The following FLG variants were observed in gnomAD, a reference collection of about 807,000 sequenced individuals.
The protein encoded by FLG is filaggrin.
Under a neutral mutation model 3.8 loss-of-function variants are expected in FLG, and 6 were observed. The ratio of observed to expected loss-of-function variants is 1.60; its 90% CI spans 0.87 to 3.15. The LOEUF is 3.15. Among genes scored for constraint, FLG ranks in the 30% most tolerant of loss-of-function variants. The pLI is 0.00. For missense variants in FLG, 7,595 were observed against 5,050.9 expected, an observed-to-expected ratio of 1.50 and a Z score of -15.27; for synonymous variants, 2,551 against 1,931.6, an observed-to-expected ratio of 1.32 and a Z score of -8.41.
chr1:152,308,493 G>A lies in FLG; in HGVS notation c.6393C>T (p.Ser2131=), dbSNP rs775939884. The A allele has an allele frequency of 1.2e-6, 2 of 1,613,272 alleles. No homozygotes were observed. The highest frequency in any genetic ancestry group is 1.3e-5 in the African/African-American group (1 of 74,780). The part of the protein sequence containing the change: ...QAQDSSRHSA[S]QEGQDTIRGH... ...CACGAATGGTGTCCTGACCCTCTTG[G>A]GATGCTGAGTGCCTGGAGCTGTCTT... The change falls in exon 3 of 3, where the codon TCC becomes TCT. Residue 2131 remains serine (S), a synonymous_variant. Coordinates refer to ENST00000368799, the MANE Select transcript of FLG (RefSeq NM_002016.2).
At position 152,308,573 on chromosome 1, in the gene FLG, C is replaced by A; in HGVS notation, c.6313G>T (p.Gly2105Ter). 6.2e-7 allele frequency: 1 copy of A among 1,614,062 alleles called. No individual in the cohort carries two copies. Among genetic ancestry groups the A allele is most frequent in the East Asian group, 2.2e-5 (1 of 44,878 alleles). The change falls in exon 3 of 3, where the codon GGA becomes TGA. Residue 2105 changes from glycine (G) to a stop codon, truncating the protein, a stop_gained. Coordinates refer to ENST00000368799, the MANE Select transcript of FLG (RefSeq NM_002016.2). LOFTEE classifies it low-confidence loss of function (END_TRUNC). ...STHEQSESTH[G>*]QSAPSTGGRQ... The stretch of plus-strand genomic sequence containing the variant: ...CCTCCAGTGCTGGGCGCAGACTGTC[C>A]ATGGGTGGACTCAGACTGTTCATGA...
chr1:152,310,807 C>T lies in FLG; in HGVS notation c.4079G>A (p.Arg1360His), dbSNP rs11586631. The change falls in exon 3 of 3, where the codon CGC becomes CAC. Residue 1360 changes from arginine to histidine, a missense_variant. By Grantham distance (29) the Arg-to-His change is conservative (BLOSUM62 0). Coordinates refer to ENST00000368799, the MANE Select transcript of FLG (RefSeq NM_002016.2). ...GGAGCTGTCTGCTGACTGCTGGTGG[C>T]GGGATCCATGTCTTTCTCCTGGACT... ...RSSPGERHGS[R>H]HQQSADSSRH... 276,595 of 1,613,202 alleles carry T rather than the reference C, an allele frequency of 0.17. 33,245 individuals are homozygous for T. The highest frequency in any genetic ancestry group is 0.56 in the East Asian group (25,149 of 44,810).
At position 152,303,680 on chromosome 1, in the gene FLG, C is replaced by G; in HGVS notation, c.11206G>C (p.Gly3736Arg). The change falls in exon 3 of 3, where the codon GGA becomes CGA. Residue 3736 changes from glycine (G) to arginine (R), a missense_variant. Physicochemically the swap from Gly to Arg is moderately radical, Grantham distance 125. Transcript: ENST00000368799. ...RAGPSTGGRQ[G>R]SRHEQARDSS... ...TCTCGTGCCTGCTCGTGGCGGGATC[C>G]TTGTCTTCCTCCAGTACTGGGCCCA... 6.2e-7 allele frequency: 1 copy of G among 1,613,986 alleles called. No homozygotes were observed. The highest frequency in any genetic ancestry group is 1.3e-5 in the African/African-American group (1 of 75,026).
intron 1 of FLG, among the ~76,000 whole-genome samples, chr1:152,319,309 TGTGTG>T (rs1652881513): frequency 2.0e-5 from 1 of 49,300 alleles, no homozygotes; most frequent in East Asian, 2.3e-3. Flanking sequence ...AACTAGAAAA[TGTGTG>T]TGTGTGTGTG....
In FLG at chr1:152,307,301, G is replaced by A. The variant is rs1189411821; in HGVS notation, c.7585C>T (p.His2529Tyr). 2.5e-6 allele frequency: 4 copies of A among 1,613,562 alleles called. No homozygotes were observed. Among genetic ancestry groups the A allele is most frequent in the Admixed American group, 1.7e-5 (1 of 59,968 alleles). Reference protein sequence around the residue: ...NDEQSGDGSRHSGSRHHEASS... With the variant: ...NDEQSGDGSRYSGSRHHEASS... Reference sequence around the variant, plus strand: ...GCTTCATGGTGACGCGACCCTGAGTGCCTGGAGCCGTCTCCTGATTGTTCA... The same window carrying A: ...GCTTCATGGTGACGCGACCCTGAGTACCTGGAGCCGTCTCCTGATTGTTCA... Residue 2529 changes from histidine to tyrosine, a missense_variant, in exon 3 of 3, where the codon CAC becomes TAC. Physicochemically the swap from His to Tyr is moderately conservative, Grantham distance 83. Transcript: ENST00000368799.
In FLG at chr1:152,303,574, C is replaced by G. The variant is rs146591738; in HGVS notation, c.11312G>C (p.Gly3771Ala). ...ATCTACCGATTGCTCGTGGTAGGAT[C>G]CCTGTCTTCCTCCTCTCCTTGACCC... ...HPGSRRGGRQ[G>A]SYHEQSVDRS... Residue 3771 changes from glycine to alanine, a missense_variant, in exon 3 of 3, where the codon GGA becomes GCA. Gly to Ala is a moderately conservative substitution (Grantham distance 60). Coordinates refer to ENST00000368799, the MANE Select transcript of FLG (RefSeq NM_002016.2). The G allele has an allele frequency of 8.1e-6, 13 of 1,613,964 alleles. No individual in the cohort carries two copies. The South Asian group carries it at 1.4e-4, about 18-fold the overall frequency.
Position 152,307,091 on chromosome 1 carries a change from G to A in FLG, c.7795C>T (p.Leu2599=), listed in dbSNP as rs559198840. 2.9e-5 allele frequency: 46 copies of A among 1,610,680 alleles called. No homozygotes were observed. In the East Asian group the frequency reaches 7.4e-4, roughly 26 times the overall value. The change falls in exon 3 of 3, where the codon CTA becomes TTA. Residue 2599 remains leucine (L), a synonymous_variant. Coordinates refer to ENST00000368799, the MANE Select transcript of FLG (RefSeq NM_002016.2). The part of the protein sequence containing the change: ...RNHHGSAQEQ[L]RDGSRHPRSH... ...CTGGGGTGTCTGGAGCCATCTCTTA[G>A]CTGCTCCTGAGCAGATCCATGATGG...
chr1:152,319,308 ATG>A (rs138449164), intron 1 of FLG, among the ~76,000 whole-genome samples: 10,408 of 144,856 alleles, frequency 0.072, 631 homozygotes, highest in African/African-American at 0.17. Flanking sequence ...CAACTAGAAA[ATG>A]TGTGTGTGTG....
rs750621736 is a variant in FLG at position 152,313,432 on chromosome 1, G to T, written c.1454C>A (p.Thr485Asn). ...HEQPDSAHGR[T>N]GTSTGGRQGS... ...TTGTCTTCCTCCAGTGCTGGTCCCG[G>T]TCCGTCCATGGGCAGAGTCAGGCTG... Residue 485 changes from threonine (T) to asparagine (N), a missense_variant, in exon 3 of 3, where the codon ACC becomes AAC. Thr to Asn is a moderately conservative substitution (Grantham distance 65, BLOSUM62 0). Transcript: ENST00000368799. 2 of 1,613,712 alleles carry T rather than the reference G, an allele frequency of 1.2e-6. No homozygotes were observed. The highest frequency in any genetic ancestry group is 3.3e-5 in the Admixed American group (2 of 59,988).
rs769188915 is a variant in FLG at position 152,303,637 on chromosome 1, G to A, written c.11249C>T (p.Ala3750Val). 212 of 1,613,378 alleles carry A rather than the reference G, an allele frequency of 1.3e-4. No homozygotes were observed. Among genetic ancestry groups the A allele is most frequent in the Non-Finnish European group, 1.7e-4 (199 of 1,179,826 alleles). ...EQARDSSRHS[A>V]SQEGQDTIRG... ...AATGGTGTCCTGACCCTCTTGGGAC[G>A]CTGAGTGCCTGGAGCTGTCTCGTGC... is the stretch of plus-strand genomic sequence containing the variant. The change falls in exon 3 of 3, where the codon GCG (alanine) becomes GTG (valine). Residue 3750 changes from alanine (A) to valine (V), a missense_variant. Transcript: ENST00000368799.
rs773896823 is a variant in FLG, at chr1:152,314,341, T to G, written c.545A>C (p.Lys182Thr). 6.8e-6 allele frequency: 11 copies of G among 1,612,894 alleles called. No individual in the cohort carries two copies. In the East Asian group the frequency reaches 2.2e-4, roughly 33 times the overall value. The change falls in exon 3 of 3, where the codon AAA (lysine) becomes ACA (threonine). Residue 182 changes from lysine (K) to threonine (T), a missense_variant. Transcript: ENST00000368799. ...ATTTTCAGTCTTGTTTTTCTCTTTT[T>G]TACTTGAGTTATGATGGTTTTTTCC... ...EYGKNHHNSS[K>T]KEKNKTENTR...
In FLG at chr1:152,309,416, TTCC is replaced by T; in HGVS notation, c.5467_5469del (p.Gly1823del). The T allele has an allele frequency of 6.2e-7, 1 of 1,613,518 alleles. No individual in the cohort carries two copies. The highest frequency in any genetic ancestry group is 8.5e-7 in the Non-Finnish European group (1 of 1,179,906). On this transcript the variant is annotated inframe_deletion, in exon 3 of 3. Coordinates refer to ENST00000368799, the MANE Select transcript of FLG (RefSeq NM_002016.2). ...GATTGCTCATAGTGGGATCCCTGCC[TTCC>T]TCCTCTGCTTGACCCTGGGTGTCCA...
Position 152,321,179 on chromosome 1 carries a change from T to A in FLG, c.-22+4010A>T, listed in dbSNP as rs139297909. Among the ~76,000 whole-genome samples, 480 of 150,944 alleles carry A rather than the reference T, an allele frequency of 3.2e-3. 1 individual carries two copies. The highest frequency in any genetic ancestry group is 0.011 in the African/African-American group (464 of 41,432). ...TTTCATTTTCAATCACTGTTATCAT[T>A]TTTTATGTGTGAATCTTATAAGCAG... On this transcript the variant is annotated intron_variant, in intron 1 of 2. Transcript: ENST00000368799.
Position 152,310,360 on chromosome 1 carries a change from A to T in FLG, c.4526T>A (p.Val1509Glu). The T allele has an allele frequency of 5.0e-6, 8 of 1,613,432 alleles. No individual in the cohort carries two copies. The highest frequency in any genetic ancestry group is 6.8e-6 in the Non-Finnish European group (8 of 1,179,890). The change falls in exon 3 of 3, where the codon GTA (valine) becomes GAA (glutamate). Residue 1509 changes from valine (V) to glutamate (E), a missense_variant. Coordinates refer to ENST00000368799, the MANE Select transcript of FLG (RefSeq NM_002016.2). ...GRQGSYHEQS[V>E]DRSGHSGYHH... The stretch of plus-strand genomic sequence containing the variant: ...GTACCCTGAGTGTCCAGACCTATCT[A>T]CTGATTGCTCGTGGTAGGATCCCTG...
chr1:152,319,831 G>T (rs957833689), intron 1 of FLG, among the ~76,000 whole-genome samples: 1 of 151,404 alleles, frequency 6.6e-6, no homozygotes, highest in Non-Finnish European at 1.5e-5. Flanking sequence ...GATAATTCTA[G>T]TTGGAAGCAC....
In FLG at chr1:152,309,295, A is replaced by C. The variant is rs760237057; in HGVS notation, c.5591T>G (p.Val1864Gly). 1 of 1,613,098 alleles carries C rather than the reference A, an allele frequency of 6.2e-7. No individual in the cohort carries two copies. Among genetic ancestry groups the C allele is most frequent in the Non-Finnish European group, 8.5e-7 (1 of 1,179,840 alleles). The change falls in exon 3 of 3, where the codon GTC (valine) becomes GGC (glycine). Residue 1864 changes from valine to glycine, a missense_variant. By Grantham distance (109) the Val-to-Gly change is moderately radical. Transcript: ENST00000368799. ...TTTCTCATTACGTGTTTGTCTGCTG[A>C]CACTTCTGGATCCTGACTGCCCACG... ...VSRGQSGSRS[V>G]SRQTRNEKQS...
At chr1:152,321,318 A>G (rs776240997) in intron 1 of FLG, among the ~76,000 whole-genome samples, 4 of 150,932 alleles carry the variant, frequency 2.7e-5, no homozygotes, top group Non-Finnish European at 6.0e-5. Flanking sequence ...AAGTATAATG[A>G]AGGAAATAAT....
Position 152,313,580 on chromosome 1 carries a change from AT to A in FLG, c.1305del (p.Gln435HisfsTer11), listed in dbSNP as rs1652613216. 4 of 1,613,510 alleles carry A rather than the reference AT, an allele frequency of 2.5e-6. No homozygotes were observed. Among genetic ancestry groups the A allele is most frequent in the Non-Finnish European group, 3.4e-6 (4 of 1,179,938 alleles). On this transcript the variant is annotated frameshift_variant, in exon 3 of 3. Transcript: ENST00000368799. LOFTEE classifies it low-confidence loss of function (END_TRUNC). The part of the protein sequence containing the change: ...SEGHSENSDT[Q>X]SVSGHGKAGL... ...CCAGCCTTTCCGTGGCCTGACACTG[AT>A]TGTGTGTCTGAGTTTTCTGAATGTC... is the stretch of plus-strand genomic sequence containing the variant.
Position 152,310,857 on chromosome 1 carries a change from C to T in FLG, c.4029G>A (p.Val1343=), listed in dbSNP as rs554695637. 2.9e-4 allele frequency: 462 copies of T among 1,613,760 alleles called. No homozygotes were observed. The highest frequency in any genetic ancestry group is 1.3e-3 in the Admixed American group (78 of 59,962). ...HTESSSHGQA[V]SSHEQARSSP... ...TTGATCTTGCCTGTTCATGGGATGA[C>T]ACAGCCTGTCCATGAGAGGAAGACT... Residue 1343 remains valine (V), a synonymous_variant, in exon 3 of 3, where the codon GTG becomes GTA. Coordinates refer to ENST00000368799, the MANE Select transcript of FLG (RefSeq NM_002016.2).
Sources: allele counts gnomAD v4.1 joint callset (sites outside exome capture counted in the v4.1 genomes callset), GRCh38; gene constraint gnomAD v4.1.1; transcripts MANE v1.5; gene names NCBI Gene and HGNC (gene_info 2026-07-23, HGNC 2026-07-21).